Variants in WRN observed in about 807,000 individuals in gnomAD.
WRN encodes the protein bifunctional 3'-5' exonuclease/ATP-dependent helicase WRN.
Under a neutral mutation model 180.7 loss-of-function variants are expected in WRN, and 149 were observed. The ratio of observed to expected loss-of-function variants is 0.82; its 90% CI spans 0.72 to 0.94. The LOEUF (loss-of-function observed/expected upper bound fraction) is 0.94, where lower values mean the gene tolerates loss of function less well. Among genes scored for constraint, WRN ranks in the 40% least tolerant of loss-of-function variants. WRN has a pLI of 0.00. For missense variants in WRN, 1,661 were observed against 1,700.1 expected (o/e 0.98, Z 0.40); for synonymous variants, 548 against 568.9 (o/e 0.96, Z 0.52).
chr8:31,162,235 T>C (rs1349706104), intron 33 of WRN, among the ~76,000 whole-genome samples: 1 of 152,260 alleles, frequency 6.6e-6, no homozygotes, highest in Non-Finnish European at 1.5e-5. Context: ...ATATATTTTC[T>C]TTATATCCTT....
intron 23 of WRN, among the ~76,000 whole-genome samples, chr8:31,130,931 C>A (rs1230680980): frequency 1.3e-5 from 2 of 152,020 alleles, no homozygotes; most frequent in African/African-American, 4.8e-5. Context: ...CACTAGGGGA[C>A]AAAGGGAGTC....
intron 23 of WRN, 78 bp downstream of exon 23, chr8:31,125,078 T>A: frequency 7.3e-7 from 1 of 1,369,446 alleles, no homozygotes; most frequent in Non-Finnish European, 1.0e-6. Flanking sequence ...GAATTTTTGT[T>A]GAATGATAAG....
intron 1 of WRN, among the ~76,000 whole-genome samples, chr8:31,051,315 T>C (rs1273532336): frequency 6.6e-6 from 1 of 152,146 alleles, no homozygotes; most frequent in African/African-American, 2.4e-5. Flanking sequence ...CTATTCTAAG[T>C]GGAAAATACG....
At chr8:31,089,461 G>A (rs1813657712) in intron 13 of WRN, among the ~76,000 whole-genome samples, 1 of 152,002 alleles carries the variant, frequency 6.6e-6, no homozygotes, top group South Asian at 2.1e-4. Flanking sequence ...ACAAGTAAAT[G>A]TGAATAAAAC....
At position 31,168,133 on chromosome 8, in the gene WRN, A is replaced by C. The variant is rs1006666062; in HGVS notation, c.4191+903A>C. ...TCTTTTTAAATTCTGTACTTGAGTT[A>C]CGTCTGTATATATAGTCATGTCCTA... On this transcript the variant is annotated intron_variant, in intron 34 of 34. Transcript: ENST00000298139. Among the ~76,000 whole-genome samples the C allele has an allele frequency of 3.3e-5, 5 of 152,140 alleles. No individual in the cohort carries two copies. The East Asian group carries it at 5.8e-4, about 18-fold the overall frequency.
chr8:31,069,839 G>C (rs1344061379), intron 7 of WRN, among the ~76,000 whole-genome samples: 1 of 152,074 alleles, frequency 6.6e-6, no homozygotes, highest in African/African-American at 2.4e-5. Flanking sequence ...CAACAGGGGA[G>C]AGTTATGATT....
intron 16 of WRN, among the ~76,000 whole-genome samples, chr8:31,093,977 T>A (rs1813858461): frequency 6.6e-6 from 1 of 152,252 alleles, no homozygotes; most frequent in South Asian, 2.1e-4. Context: ...TTTATGGATA[T>A]CCAACAAGTT....
intron 15 of WRN, among the ~76,000 whole-genome samples, 159 bp downstream of exon 15, chr8:31,091,101 C>T (rs1416141872): frequency 1.3e-5 from 2 of 152,036 alleles, no homozygotes; most frequent in African/African-American, 4.8e-5. Flanking sequence ...AGTGGAAGAG[C>T]TTACCTTCTT....
chr8:31,124,359 G>C (rs1239898039), intron 21 of WRN, among the ~76,000 whole-genome samples, 163 bp from the exon 22 acceptor site: 1 of 151,678 alleles, frequency 6.6e-6, no homozygotes, highest in African/African-American at 2.4e-5. Flanking sequence ...TGACTGGAAA[G>C]GAATACAACA....
intron 33 of WRN, 56 bp from the exon 34 acceptor site, chr8:31,166,966 T>A: frequency 6.6e-7 from 1 of 1,517,692 alleles, no homozygotes; most frequent in South Asian, 1.2e-5. Flanking sequence ...GCTCATAGGT[T>A]TTCTAAAATA....
At chr8:31,051,335 A>T (rs186731595) in intron 1 of WRN, among the ~76,000 whole-genome samples, 7 of 152,252 alleles carry the variant, frequency 4.6e-5, no homozygotes, top group African/African-American at 1.7e-4. Context: ...GGTTCTCTTG[A>T]GGTGAATTTC....
intron 9 of WRN, among the ~76,000 whole-genome samples, chr8:31,083,404 C>G (rs1813397765): frequency 6.6e-6 from 1 of 152,134 alleles, no homozygotes; most frequent in South Asian, 2.1e-4. Context: ...ATTGTTTAAC[C>G]TGAGTTGAAC....
At chr8:31,083,981 A>G (rs563489092) in intron 10 of WRN, among the ~76,000 whole-genome samples, 1 of 152,176 alleles carries the variant, frequency 6.6e-6, no homozygotes, top group African/African-American at 2.4e-5. Flanking sequence ...CTAATTTTAA[A>G]TGTGCTTTCC....
intron 23 of WRN, among the ~76,000 whole-genome samples, chr8:31,127,670 G>T (rs758141515): frequency 1.3e-5 from 2 of 152,084 alleles, no homozygotes; most frequent in Non-Finnish European, 2.9e-5. Flanking sequence ...TTAGCACTTT[G>T]GGAGGCTGAG....
chr8:31,063,384 T>C (rs961850004), intron 3 of WRN, among the ~76,000 whole-genome samples: 6 of 152,242 alleles, frequency 3.9e-5, no homozygotes, highest in African/African-American at 1.4e-4. Context: ...GGAAATTTAG[T>C]TTGTTTCTAA....
intron 17 of WRN, among the ~76,000 whole-genome samples, chr8:31,100,536 T>C (rs1360877886): frequency 1.3e-5 from 2 of 152,188 alleles, no homozygotes; most frequent in African/African-American, 4.8e-5. Context: ...GTGGATAGTT[T>C]TGGAGGCAAA....
At chr8:31,076,404 A>G in intron 8 of WRN, 117 bp downstream of exon 8, 1 of 817,430 alleles carries the variant, frequency 1.2e-6, no homozygotes, top group South Asian at 1.6e-5. Flanking sequence ...ATTTGCTTGA[A>G]TACACACACA....
chr8:31,123,219 T>C (rs1011358179), intron 21 of WRN, among the ~76,000 whole-genome samples: 2 of 152,074 alleles, frequency 1.3e-5, no homozygotes, highest in Admixed American at 6.6e-5. Flanking sequence ...CTTGTTGCAG[T>C]ATCACAGTGC....
chr8:31,124,765 T>C (rs1483475357), intron 22 of WRN, 142 bp downstream of exon 22: 1 of 1,194,382 alleles, frequency 8.4e-7, no homozygotes, highest in East Asian at 2.5e-5. Context: ...AAGGCTAACT[T>C]CTTTGTGTCT....
Sources: gnomAD v4.1 joint callset for allele counts (sites outside exome capture counted in the v4.1 genomes callset) on GRCh38, gnomAD v4.1.1 for gene constraint, MANE v1.5 for transcripts, NCBI Gene and HGNC (gene_info 2026-07-23, HGNC 2026-07-21) for gene names.